COL11A1: variants seen among roughly 807,000 people sequenced by gnomAD.
The protein encoded by COL11A1 is collagen alpha-1(XI) chain.
In COL11A1, 74 loss-of-function variants were observed where a neutral mutation model predicts 265.2. The observed-to-expected ratio is 0.28, with a 90% confidence interval of 0.23 to 0.34. The LOEUF (loss-of-function observed/expected upper bound fraction) is 0.34. COL11A1 is among the 10% of genes least tolerant of loss of function. COL11A1 has a pLI of 1.00. For synonymous variants in COL11A1, 816 were observed against 727.6 expected (o/e 1.12, Z -1.96); for missense variants, 2,165 against 2,263.6 (o/e 0.96, Z 0.88).
chr1:103,004,597 T>C lies in COL11A1; in HGVS notation c.1899+11A>G. 1 of 1,604,814 alleles carries C rather than the reference T, an allele frequency of 6.2e-7. No homozygotes were observed. The highest frequency in any genetic ancestry group is 8.5e-7 in the Non-Finnish European group (1 of 1,174,688). ...TTTAAATATTTCTTAAGAAAAGAAG[T>C]ATTAACATACCCTCATTCCATCATC... On this transcript the variant is annotated intron_variant, in intron 19 of 66. Transcript: ENST00000370096.
rs374853698 is a variant in COL11A1 at position 103,079,129 on chromosome 1, G to A, written c.275-258C>T. 1.7e-4 allele frequency among the ~76,000 whole-genome samples: 26 copies of A among 152,176 alleles called. No individual in the cohort carries two copies. The East Asian group carries it at 4.6e-3, about 27-fold the overall frequency. ...TTTATGTGAAATTAAATTTGGTTTA[G>A]GCAACAGGATTATGATACCAGTAAA... On this transcript the variant is annotated intron_variant, in intron 2 of 66. Coordinates refer to ENST00000370096, the MANE Select transcript of COL11A1 (RefSeq NM_001854.4).
At chr1:102,896,487 A>G (rs569865398) in intron 57 of COL11A1, among the ~76,000 whole-genome samples, 125 of 152,272 alleles carry the variant, frequency 8.2e-4, no homozygotes, top group Non-Finnish European at 1.6e-3. Context: ...GAGATTACAT[A>G]TCACAAGTCA....
At chr1:103,035,974 C>T (rs1668336340) in intron 4 of COL11A1, among the ~76,000 whole-genome samples, 1 of 151,444 alleles carries the variant, frequency 6.6e-6, no homozygotes, top group Non-Finnish European at 1.5e-5. Flanking sequence ...ACTGAGTAAC[C>T]ATACCTGAAT....
intron 54 of COL11A1, among the ~76,000 whole-genome samples, chr1:102,900,805 T>C (rs778057613): frequency 6.6e-6 from 1 of 152,178 alleles, no homozygotes; most frequent in Non-Finnish European, 1.5e-5. Context: ...TGTGAACAAA[T>C]ATCTGTCATA....
intron 47 of COL11A1, among the ~76,000 whole-genome samples, chr1:102,923,124 A>T (rs529610700): frequency 1.3e-5 from 2 of 152,332 alleles, no homozygotes; most frequent in African/African-American, 4.8e-5. Flanking sequence ...TAAATTGCTA[A>T]TTATCTAAAT....
chr1:102,912,527 C>T (rs1159280630), intron 53 of COL11A1, among the ~76,000 whole-genome samples: 1 of 152,158 alleles, frequency 6.6e-6, no homozygotes, highest in Non-Finnish European at 1.5e-5. Flanking sequence ...TTAATATAAT[C>T]ATATGGTTAA....
intron 66 of COL11A1, 32 bp from the exon 67 acceptor site, chr1:102,878,197 C>T (rs1282262607): frequency 1.3e-6 from 2 of 1,573,800 alleles, no homozygotes; most frequent in Admixed American, 1.7e-5. Flanking sequence ...AAAAGTTATA[C>T]AATCTTTTAA....
rs545206746 is a variant in COL11A1 at position 102,907,869 on chromosome 1, T to A, written c.4086+4290A>T. 2.0e-5 allele frequency among the ~76,000 whole-genome samples: 3 copies of A among 152,180 alleles called. No individual in the cohort carries two copies. In the South Asian group the frequency reaches 6.2e-4, roughly 31 times the overall value. ...ATTAACAAGGATAACAAAACATTATTCCTTGAGTCTTTTGGTGGATATGTG... is the reference window on the plus strand; with the variant it reads ...ATTAACAAGGATAACAAAACATTATACCTTGAGTCTTTTGGTGGATATGTG... On this transcript the variant is annotated intron_variant, in intron 54 of 66. Coordinates refer to ENST00000370096, the MANE Select transcript of COL11A1 (RefSeq NM_001854.4).
At chr1:102,986,807 C>T (rs1027914768) in intron 30 of COL11A1, among the ~76,000 whole-genome samples, 4 of 152,074 alleles carry the variant, frequency 2.6e-5, no homozygotes, top group Admixed American at 6.6e-5. Context: ...ATCTTTTTGA[C>T]GCAACACATA....
At chr1:102,966,366 G>A (rs770501251) in intron 37 of COL11A1, among the ~76,000 whole-genome samples, 3 of 151,966 alleles carry the variant, frequency 2.0e-5, no homozygotes, top group African/African-American at 7.2e-5. Flanking sequence ...AAAATAATAA[G>A]ATTAGAAAAA....
intron 4 of COL11A1, among the ~76,000 whole-genome samples, chr1:103,062,260 AAG>A (rs1670733054): frequency 6.6e-6 from 1 of 152,002 alleles, no homozygotes. Context: ...TTTAAGGAAA[AAG>A]ATATACCAAT....
At chr1:103,105,452 T>C (rs1343246406) in intron 1 of COL11A1, among the ~76,000 whole-genome samples, 1 of 152,142 alleles carries the variant, frequency 6.6e-6, no homozygotes, top group Non-Finnish European at 1.5e-5. Flanking sequence ...AGGTATGAAG[T>C]CATAAATTTT....
At chr1:102,918,860 C>G (rs1337391677) in intron 49 of COL11A1, among the ~76,000 whole-genome samples, 1 of 152,040 alleles carries the variant, frequency 6.6e-6, no homozygotes, top group Admixed American at 6.6e-5. Context: ...GGCATTCATG[C>G]CTATTTTCAA....
At chr1:103,007,584 G>A (rs371895033) in intron 15 of COL11A1, among the ~76,000 whole-genome samples, 11 of 151,976 alleles carry the variant, frequency 7.2e-5, no homozygotes, top group South Asian at 2.1e-4. Flanking sequence ...AAGACCCAGC[G>A]CGGTGAATCA....
chr1:103,035,667 T>C (rs568653615), intron 4 of COL11A1, among the ~76,000 whole-genome samples: 29 of 152,052 alleles, frequency 1.9e-4, no homozygotes, highest in Admixed American at 5.9e-4. Flanking sequence ...TAATTTATGA[T>C]GAAGCATAAC....
intron 35 of COL11A1, among the ~76,000 whole-genome samples, chr1:102,976,067 A>G (rs1662434292): frequency 6.6e-6 from 1 of 152,094 alleles, no homozygotes; most frequent in Non-Finnish European, 1.5e-5. Flanking sequence ...CTAAATAAAA[A>G]TCCATTTTAA....
intron 46 of COL11A1, among the ~76,000 whole-genome samples, chr1:102,929,585 G>C (rs1370878104): frequency 3.3e-5 from 5 of 151,714 alleles, no homozygotes; most frequent in East Asian, 1.9e-4. Flanking sequence ...GCTCTTTTTT[G>C]GTTCCATATG....
chr1:102,964,648 ATGTG>A (rs1352308330), intron 38 of COL11A1, among the ~76,000 whole-genome samples: 1 of 150,454 alleles, frequency 6.6e-6, no homozygotes, highest in Admixed American at 6.7e-5. Context: ...CCGTGTGCGC[ATGTG>A]TGTGTGTATG....
At chr1:103,050,897 C>G (rs1017271240) in intron 4 of COL11A1, among the ~76,000 whole-genome samples, 1 of 152,210 alleles carries the variant, frequency 6.6e-6, no homozygotes, top group African/African-American at 2.4e-5. Flanking sequence ...GTATCAGCAG[C>G]AGAGGCTGCA....
Sources: allele counts gnomAD v4.1 joint callset (sites outside exome capture counted in the v4.1 genomes callset), GRCh38; gene constraint gnomAD v4.1.1; transcripts MANE v1.5; gene names NCBI Gene and HGNC (gene_info 2026-07-23, HGNC 2026-07-21).